Variants in TBC1D32 observed in about 807,000 individuals in gnomAD.
TBC1D32 encodes the protein TBC1 domain family member 32.
TBC1D32 carries 151 observed loss-of-function variants against 170.3 expected under a neutral mutation model. That is an observed-to-expected ratio of 0.89 (90% confidence interval 0.78 to 1.01). TBC1D32 has a LOEUF of 1.01. Among genes scored for constraint, TBC1D32 ranks in the 50% least tolerant of loss-of-function variants. The pLI is 0.00. For missense variants in TBC1D32, 1,464 were observed against 1,457.1 expected (o/e 1.00, Z -0.08); for synonymous variants, 498 against 488.0 (o/e 1.02, Z -0.27).
At chr6:121,121,778 G>T (rs575608409) in intron 26 of TBC1D32, among the ~76,000 whole-genome samples, 3 of 151,984 alleles carry the variant, frequency 2.0e-5, no homozygotes, top group South Asian at 4.1e-4. Context: ...TAGGTGCAGA[G>T]AATGAAATGA....
intron 15 of TBC1D32, among the ~76,000 whole-genome samples, chr6:121,260,192 A>G (rs1279880592): frequency 2.0e-5 from 3 of 152,206 alleles, no homozygotes; most frequent in Non-Finnish European, 2.9e-5. Flanking sequence ...ATCGTTTCCA[A>G]GCATCTTTTT....
intron 22 of TBC1D32, among the ~76,000 whole-genome samples, chr6:121,191,176 T>C (rs1789960057): frequency 6.6e-6 from 1 of 152,192 alleles, no homozygotes; most frequent in South Asian, 2.1e-4. Context: ...TCTGCATATA[T>C]GGAAATTTTT....
intron 30 of TBC1D32, among the ~76,000 whole-genome samples, chr6:121,092,892 G>T (rs1167297325): frequency 6.6e-6 from 1 of 152,050 alleles, no homozygotes; most frequent in African/African-American, 2.4e-5. Flanking sequence ...ACACAATTCA[G>T]CCTATACCAG....
intron 25 of TBC1D32, among the ~76,000 whole-genome samples, chr6:121,129,331 T>G (rs897722666): frequency 3.3e-5 from 5 of 152,184 alleles, no homozygotes; most frequent in African/African-American, 4.8e-5. Context: ...ATAGGATAAC[T>G]TAAGTATTCT....
intron 17 of TBC1D32, among the ~76,000 whole-genome samples, chr6:121,242,945 T>C (rs986943584): frequency 2.0e-5 from 3 of 152,060 alleles, no homozygotes; most frequent in Admixed American, 2.0e-4. Flanking sequence ...AAAACCCATG[T>C]TGCATTTGAA....
chr6:121,324,627 A>C (rs774251759), intron 1 of TBC1D32, among the ~76,000 whole-genome samples: 3 of 152,190 alleles, frequency 2.0e-5, no homozygotes, highest in Non-Finnish European at 4.4e-5. Flanking sequence ...TTCTTTTGGT[A>C]ATTCATCATT....
chr6:121,161,618 C>T (rs1785672079), intron 22 of TBC1D32, among the ~76,000 whole-genome samples: 1 of 152,092 alleles, frequency 6.6e-6, no homozygotes, highest in Non-Finnish European at 1.5e-5. Flanking sequence ...CGTGTCTTTG[C>T]TATTGTGAAT....
At chr6:121,244,788 T>C (rs1409424121) in intron 17 of TBC1D32, among the ~76,000 whole-genome samples, 3 of 152,150 alleles carry the variant, frequency 2.0e-5, no homozygotes, top group Admixed American at 2.0e-4. Context: ...GGGAGCCAAT[T>C]TGTGGGAGAG....
In TBC1D32 at chr6:121,327,333, A is replaced by G. The variant is rs1437440691; in HGVS notation, c.156-5539T>C. Among the ~76,000 whole-genome samples the G allele has an allele frequency of 2.0e-5, 3 of 152,330 alleles. No homozygotes were observed. The East Asian group carries it at 5.8e-4, about 29-fold the overall frequency. ...TAAATACAGTTCTACAAAATTAAGT[A>G]CTGTGTTTCCTACATTGTAATCCTG... On this transcript the variant is annotated intron_variant, in intron 1 of 31. Coordinates refer to ENST00000398212, the MANE Select transcript of TBC1D32 (RefSeq NM_152730.6).
chr6:121,191,096 A>G (rs2128286529), intron 22 of TBC1D32, among the ~76,000 whole-genome samples: 1 of 152,222 alleles, frequency 6.6e-6, no homozygotes, highest in South Asian at 2.1e-4. Context: ...GTTAAGATAC[A>G]TATGCATGTG....
At chr6:121,137,218 A>G (rs1488531244) in intron 24 of TBC1D32, among the ~76,000 whole-genome samples, 1 of 152,050 alleles carries the variant, frequency 6.6e-6, no homozygotes, top group African/African-American at 2.4e-5. Context: ...TAAACTCACA[A>G]TGCTTTATTT....
chr6:121,241,251 T>G (rs1449058350), intron 19 of TBC1D32, among the ~76,000 whole-genome samples: 1 of 152,148 alleles, frequency 6.6e-6, no homozygotes, highest in Non-Finnish European at 1.5e-5. Context: ...CAAGGTTGTA[T>G]ATATATCACA....
rs779465127 is a variant in TBC1D32, at chr6:121,113,065, G to A, written c.3166C>T (p.Leu1056Phe). ...TGAATATACTCAAAAAGGATATGAA[G>A]AGAAGATTTTATGGAAGTTTGCTGC... The part of the protein sequence containing the change: ...KQQQTSIKSS[L>F]LCLQGNYAGH... The change falls in exon 28 of 32, where the codon CTT becomes TTT. Residue 1056 changes from leucine (L) to phenylalanine (F), a missense_variant. By Grantham distance (22) the Leu-to-Phe change is conservative (BLOSUM62 0). Coordinates refer to ENST00000398212, the MANE Select transcript of TBC1D32 (RefSeq NM_152730.6). 3 of 1,603,546 alleles carry A rather than the reference G, an allele frequency of 1.9e-6. No individual in the cohort carries two copies. Among genetic ancestry groups the A allele is most frequent in the Non-Finnish European group, 2.6e-6 (3 of 1,175,448 alleles).
At chr6:121,085,959 T>C (rs936204259) in intron 31 of TBC1D32, among the ~76,000 whole-genome samples, 2 of 152,026 alleles carry the variant, frequency 1.3e-5, no homozygotes, top group Non-Finnish European at 2.9e-5. Context: ...TGACAGGTAT[T>C]ACTATTACAT....
intron 2 of TBC1D32, among the ~76,000 whole-genome samples, chr6:121,319,686 G>A (rs148373276): frequency 0.011 from 1,615 of 152,230 alleles, 30 homozygotes; most frequent in African/African-American, 0.037. Context: ...GAACATGAAT[G>A]TTTCCAACAG....
intron 29 of TBC1D32, among the ~76,000 whole-genome samples, chr6:121,107,947 C>T (rs532057514): frequency 2.6e-4 from 40 of 152,136 alleles, no homozygotes; most frequent in Middle Eastern, 3.4e-3. Flanking sequence ...AAGAGTTCTT[C>T]TACTCTTATA....
chr6:121,179,987 T>TA (rs1377099421), intron 22 of TBC1D32, among the ~76,000 whole-genome samples: 4 of 152,128 alleles, frequency 2.6e-5, no homozygotes. Flanking sequence ...CACATTATAA[T>TA]ATACACTGGG....
intron 15 of TBC1D32, among the ~76,000 whole-genome samples, chr6:121,274,969 C>G (rs572505680): frequency 6.7e-6 from 1 of 149,846 alleles, no homozygotes; most frequent in East Asian, 2.0e-4. Context: ...TAGCAACAAA[C>G]AAAAAAAAAG....
intron 24 of TBC1D32, among the ~76,000 whole-genome samples, chr6:121,151,553 T>A (rs1351246544): frequency 6.6e-6 from 1 of 152,094 alleles, no homozygotes; most frequent in African/African-American, 2.4e-5. Flanking sequence ...TCCTGAATAT[T>A]CTCGTTAATT....
Sources: allele counts gnomAD v4.1 joint callset (sites outside exome capture counted in the v4.1 genomes callset), GRCh38; gene constraint gnomAD v4.1.1; transcripts MANE v1.5; gene names NCBI Gene and HGNC (gene_info 2026-07-23, HGNC 2026-07-21).